The following FHIT variants were observed in gnomAD, a reference collection of about 807,000 sequenced individuals.
The protein encoded by FHIT is fragile histidine triad diadenosine triphosphatase.
In FHIT, 19 loss-of-function variants were observed where a neutral mutation model predicts 17.9. The observed-to-expected ratio is 1.06, with a 90% CI of 0.74 to 1.56. FHIT has a LOEUF of 1.56. Among genes scored for constraint, FHIT ranks in the 40% most tolerant of loss-of-function variants. FHIT has a pLI of 0.00. For missense variants in FHIT, 248 were observed against 189.2 expected, an observed-to-expected ratio of 1.31 and a Z score of -1.82; for synonymous variants, 81 against 69.7, an observed-to-expected ratio of 1.16 and a Z score of -0.81.
At chr3:60,441,806 A>ATATC (rs1231194039) in intron 5 of FHIT, among the ~76,000 whole-genome samples, 6 of 103,044 alleles carry the variant, frequency 5.8e-5, no homozygotes, top group African/African-American at 2.5e-4. Flanking sequence ...ATATATATAT[A>ATATC]TATATATATC....
At chr3:60,546,713 T>C (rs1171040745) in intron 4 of FHIT, among the ~76,000 whole-genome samples, 1 of 152,184 alleles carries the variant, frequency 6.6e-6, no homozygotes, top group Non-Finnish European at 1.5e-5. Context: ...TTTGAGTGGA[T>C]AAAGAGTCTC....
chr3:60,165,942 T>A (rs996619681), intron 5 of FHIT, among the ~76,000 whole-genome samples: 3 of 152,176 alleles, frequency 2.0e-5, no homozygotes, highest in Non-Finnish European at 4.4e-5. Flanking sequence ...CGGACATCTA[T>A]GGCATTTTTT....
At chr3:59,811,724 A>C (rs1700411695) in intron 8 of FHIT, among the ~76,000 whole-genome samples, 1 of 152,194 alleles carries the variant, frequency 6.6e-6, no homozygotes, top group Non-Finnish European at 1.5e-5. Flanking sequence ...TGCTGCAGAG[A>C]GAGGAATATA....
intron 2 of FHIT, among the ~76,000 whole-genome samples, chr3:61,087,532 T>C (rs1268098265): frequency 6.6e-6 from 1 of 152,198 alleles, no homozygotes; most frequent in Non-Finnish European, 1.5e-5. Flanking sequence ...TGTTATTTTG[T>C]ATGCAAAGTG....
chr3:60,516,362 T>C (rs994929935), intron 5 of FHIT, among the ~76,000 whole-genome samples: 1 of 152,244 alleles, frequency 6.6e-6, no homozygotes, highest in Non-Finnish European at 1.5e-5. Flanking sequence ...TCCTTATTTC[T>C]GCTTCTGTAT....
chr3:61,202,256 A>G (rs1576203158), intron 1 of FHIT, among the ~76,000 whole-genome samples: 1 of 148,096 alleles, frequency 6.8e-6, no homozygotes, highest in East Asian at 2.0e-4. Context: ...CGGCCGCCCA[A>G]CTATCTGGGA....
intron 5 of FHIT, among the ~76,000 whole-genome samples, chr3:60,124,788 C>G (rs1705464709): frequency 6.6e-6 from 1 of 152,164 alleles, no homozygotes; most frequent in Non-Finnish European, 1.5e-5. Flanking sequence ...ACCAACTAGC[C>G]TTGATGTGCC....
intron 5 of FHIT, among the ~76,000 whole-genome samples, chr3:60,344,327 T>C (rs546810007): frequency 1.3e-3 from 193 of 152,258 alleles, no homozygotes; most frequent in Middle Eastern, 3.4e-3. Context: ...CTGAGATGCG[T>C]CCAACAAAGA....
rs1301632668 is a variant in FHIT, at chr3:60,460,739, T to C, written c.103+76121A>G. ...AGCATTAAAGTTTAATTTGTGAATC[T>C]ACTGTTTCAGATTCATTGGAATTCT... On this transcript the variant is annotated intron_variant, in intron 5 of 9. Coordinates refer to ENST00000492590, the MANE Select transcript of FHIT (RefSeq NM_002012.4). 5.3e-5 allele frequency among the ~76,000 whole-genome samples: 8 copies of C among 152,212 alleles called. No individual in the cohort carries two copies. In the East Asian group the frequency reaches 1.5e-3, roughly 29 times the overall value.
At chr3:60,917,567 T>C (rs782073068) in intron 3 of FHIT, among the ~76,000 whole-genome samples, 1 of 152,244 alleles carries the variant, frequency 6.6e-6, no homozygotes, top group Non-Finnish European at 1.5e-5. Flanking sequence ...CACTGGCCTC[T>C]ATCAAGCACA....
chr3:60,576,659 T>A (rs1553657715), intron 4 of FHIT, among the ~76,000 whole-genome samples: 1 of 152,162 alleles, frequency 6.6e-6, no homozygotes, highest in African/African-American at 2.4e-5. Flanking sequence ...GAACAGACCG[T>A]GAAAATGTGA....
At chr3:60,547,754 G>A (rs904116146) in intron 4 of FHIT, among the ~76,000 whole-genome samples, 1 of 152,028 alleles carries the variant, frequency 6.6e-6, no homozygotes, top group Non-Finnish European at 1.5e-5. Context: ...ACAATGAAAA[G>A]ATCTCTACTA....
In FHIT at chr3:60,986,492, A is replaced by C. The variant is rs920436829; in HGVS notation, c.-111+55555T>G. Reference sequence around the variant, plus strand: ...ATAGAAAAGAAAACTGTGAAGATAAAACCCCAAAGTGGAGAGGTATTGGTT... The same window carrying C: ...ATAGAAAAGAAAACTGTGAAGATAACACCCCAAAGTGGAGAGGTATTGGTT... On this transcript the variant is annotated intron_variant, in intron 3 of 9. Transcript: ENST00000492590. 3.9e-5 allele frequency among the ~76,000 whole-genome samples: 6 copies of C among 152,314 alleles called. No individual in the cohort carries two copies. The South Asian group carries it at 6.2e-4, about 16-fold the overall frequency.
At chr3:60,283,379 AT>A (rs892462349) in intron 5 of FHIT, among the ~76,000 whole-genome samples, 5 of 152,104 alleles carry the variant, frequency 3.3e-5, no homozygotes, top group African/African-American at 1.2e-4. Flanking sequence ...ATCATTAAAA[AT>A]ATGTAACTGT....
intron 4 of FHIT, among the ~76,000 whole-genome samples, chr3:60,771,529 A>T (rs1553723056): frequency 1.3e-5 from 2 of 152,232 alleles, no homozygotes; most frequent in African/African-American, 4.8e-5. Context: ...TACATGGCCT[A>T]CTTCCTGAGA....
intron 3 of FHIT, among the ~76,000 whole-genome samples, chr3:60,955,507 C>T (rs1197366490): frequency 6.6e-6 from 1 of 151,462 alleles, no homozygotes; most frequent in African/African-American, 2.4e-5. Context: ...GAAGCACTGA[C>T]ATACAATAAT....
In FHIT at chr3:59,945,058, G is replaced by A. The variant is rs375604211; in HGVS notation, c.280-22644C>T. Among the ~76,000 whole-genome samples, 6 of 152,134 alleles carry A rather than the reference G, an allele frequency of 3.9e-5. No homozygotes were observed. The East Asian group carries it at 7.7e-4, about 20-fold the overall frequency. On this transcript the variant is annotated intron_variant, in intron 7 of 9. Transcript: ENST00000492590. ...GTATATACTCAGCACTGGGATTGCT[G>A]GGCTGAATAGTAGTTCTGTATTAAG...
chr3:60,158,035 A>G (rs886258204), intron 5 of FHIT, among the ~76,000 whole-genome samples: 1 of 152,144 alleles, frequency 6.6e-6, no homozygotes, highest in Non-Finnish European at 1.5e-5. Flanking sequence ...CCTTACCACT[A>G]TGTGGTCCAA....
At chr3:60,495,921 T>C (rs1198780341) in intron 5 of FHIT, among the ~76,000 whole-genome samples, 1 of 151,978 alleles carries the variant, frequency 6.6e-6, no homozygotes, top group East Asian at 1.9e-4. Context: ...GTCAAGACCA[T>C]GGGGAAAGAA....
Sources: gnomAD v4.1 joint callset for allele counts (sites outside exome capture counted in the v4.1 genomes callset) on GRCh38, gnomAD v4.1.1 for gene constraint, MANE v1.5 for transcripts, NCBI Gene and HGNC (gene_info 2026-07-23, HGNC 2026-07-21) for gene names.